The following GRID1 variants were observed in gnomAD, a reference collection of about 807,000 sequenced individuals.
GRID1 encodes the protein glutamate ionotropic receptor delta type subunit 1.
Under a neutral mutation model 98.0 loss-of-function variants are expected in GRID1, and 28 were observed. The observed-to-expected ratio is 0.29, with a 90% CI of 0.21 to 0.39. The LOEUF (loss-of-function observed/expected upper bound fraction) is 0.39. Ranked by LOEUF, GRID1 falls within the 10% of genes least tolerant of loss-of-function variation. GRID1 has a pLI of 1.00. For missense variants in GRID1, 1,111 were observed against 1,340.5 expected, an observed-to-expected ratio of 0.83 and a Z score of 2.67; for synonymous variants, 553 against 538.5, an observed-to-expected ratio of 1.03 and a Z score of -0.37.
chr10:86,013,703 C>T (rs912348156), intron 4 of GRID1, among the ~76,000 whole-genome samples: 4 of 152,202 alleles, frequency 2.6e-5, no homozygotes, highest in Admixed American at 2.6e-4. Context: ...AAGAATTTGA[C>T]CGTCTGACCA....
chr10:85,940,363 T>C (rs1203091841), intron 4 of GRID1, among the ~76,000 whole-genome samples: 1 of 152,148 alleles, frequency 6.6e-6, no homozygotes, highest in Non-Finnish European at 1.5e-5. Context: ...CCATCTCACT[T>C]AGCTTCAGCT....
At chr10:86,288,093 C>A (rs575220297) in intron 2 of GRID1, among the ~76,000 whole-genome samples, 1 of 152,120 alleles carries the variant, frequency 6.6e-6, no homozygotes, top group Non-Finnish European at 1.5e-5. Context: ...CCAGGCTGCC[C>A]GGCAGAAGCT....
chr10:85,815,095 T>C (rs760690534), intron 8 of GRID1, among the ~76,000 whole-genome samples: 2 of 151,962 alleles, frequency 1.3e-5, no homozygotes, highest in Non-Finnish European at 2.9e-5. Context: ...TGCTTTCACA[T>C]ACAAAAATCA....
intron 8 of GRID1, among the ~76,000 whole-genome samples, chr10:85,762,678 G>A (rs1168703936): frequency 6.6e-6 from 1 of 152,208 alleles, no homozygotes; most frequent in Non-Finnish European, 1.5e-5. Flanking sequence ...AGCGACAGAG[G>A]CTTTCACAGA....
At position 85,910,142 on chromosome 10, in the gene GRID1, G is replaced by A. The variant is rs765441633; in HGVS notation, c.780+6044C>T. 5.3e-5 allele frequency among the ~76,000 whole-genome samples: 8 copies of A among 152,232 alleles called. 1 individual carries two copies. In the South Asian group the frequency reaches 6.2e-4, roughly 12 times the overall value. On this transcript the variant is annotated intron_variant, in intron 5 of 15. Coordinates refer to ENST00000327946, the MANE Select transcript of GRID1 (RefSeq NM_017551.3). ...AACAAGTAAAAAGATTATGACAAAC[G>A]TAATTGTTTTCGAGTGTTACTAAAT...
chr10:85,913,206 C>T (rs1186294483), intron 5 of GRID1, among the ~76,000 whole-genome samples: 2 of 152,220 alleles, frequency 1.3e-5, no homozygotes, highest in Non-Finnish European at 2.9e-5. Flanking sequence ...CTGACCCCCA[C>T]TGACTGACTT....
intron 2 of GRID1, among the ~76,000 whole-genome samples, chr10:86,219,111 T>G (rs2446020): frequency 0.78 from 118,662 of 152,214 alleles, 46,343 homozygotes; most frequent in East Asian, 0.9. Flanking sequence ...GCCTGGGCAG[T>G]TCAGGTGGGA....
At chr10:86,181,215 C>A (rs1157636770) in intron 3 of GRID1, among the ~76,000 whole-genome samples, 1 of 152,230 alleles carries the variant, frequency 6.6e-6, no homozygotes, top group Non-Finnish European at 1.5e-5. Context: ...TGCACCCACC[C>A]AAGGCCTCCC....
At chr10:86,054,781 A>G (rs555742573) in intron 4 of GRID1, among the ~76,000 whole-genome samples, 1 of 152,320 alleles carries the variant, frequency 6.6e-6, no homozygotes, top group South Asian at 2.1e-4. Flanking sequence ...AAATGGTCCC[A>G]CTTCCCAGTC....
chr10:86,051,180 T>A (rs1843497584), intron 4 of GRID1, among the ~76,000 whole-genome samples: 1 of 151,280 alleles, frequency 6.6e-6, no homozygotes, highest in Admixed American at 6.6e-5. Context: ...GAAAGATCAA[T>A]GAAACAGAAT....
At chr10:86,358,284 A>G (rs1848559123) in intron 2 of GRID1, among the ~76,000 whole-genome samples, 1 of 152,170 alleles carries the variant, frequency 6.6e-6, no homozygotes, top group South Asian at 2.1e-4. Flanking sequence ...CATGCAAAAG[A>G]TTATCAGGGT....
intron 3 of GRID1, among the ~76,000 whole-genome samples, chr10:86,194,364 G>A (rs934592585): frequency 2.6e-5 from 4 of 152,132 alleles, no homozygotes; most frequent in African/African-American, 7.2e-5. Flanking sequence ...GTAGAACCAA[G>A]TGGGCAATAT....
chr10:86,330,987 A>C (rs1272388688), intron 2 of GRID1, among the ~76,000 whole-genome samples: 1 of 152,136 alleles, frequency 6.6e-6, no homozygotes, highest in Non-Finnish European at 1.5e-5. Flanking sequence ...AAGGAACAGG[A>C]AGGGCAGGCT....
At chr10:86,333,682 C>T (rs1848181908) in intron 2 of GRID1, among the ~76,000 whole-genome samples, 1 of 152,194 alleles carries the variant, frequency 6.6e-6, no homozygotes, top group African/African-American at 2.4e-5. Context: ...CATATTTGTG[C>T]ATGTTGAATG....
intron 14 of GRID1, among the ~76,000 whole-genome samples, chr10:85,615,240 C>A (rs890481627): frequency 1.3e-5 from 2 of 152,202 alleles, no homozygotes; most frequent in African/African-American, 2.4e-5. Context: ...CTCCTGATGG[C>A]TGGGAATGGC....
chr10:85,905,553 G>C (rs1841449410), intron 5 of GRID1, among the ~76,000 whole-genome samples: 1 of 152,062 alleles, frequency 6.6e-6, no homozygotes, highest in Non-Finnish European at 1.5e-5. Context: ...TAATAACTAT[G>C]TATTTTTGTG....
Position 86,363,925 on chromosome 10 carries a change from C to A in GRID1, c.235+16G>T. 6.2e-7 allele frequency: 1 copy of A among 1,611,180 alleles called. No individual in the cohort carries two copies. Among genetic ancestry groups the A allele is most frequent in the Non-Finnish European group, 8.5e-7 (1 of 1,178,098 alleles). On this transcript the variant is annotated intron_variant, in intron 2 of 15. Transcript: ENST00000327946. ...AGGCCGTGTCCCAGTGGGCCCTGGG[C>A]ACAGCGGTCACTCACCTTCCTGCAC...
intron 4 of GRID1, among the ~76,000 whole-genome samples, chr10:85,938,373 C>G (rs1841954403): frequency 6.6e-6 from 1 of 152,190 alleles, no homozygotes; most frequent in African/African-American, 2.4e-5. Flanking sequence ...ACTTTCAATA[C>G]AACGTTCTCC....
intron 8 of GRID1, among the ~76,000 whole-genome samples, chr10:85,793,384 A>C (rs1842498364): frequency 2.0e-5 from 3 of 152,322 alleles, no homozygotes; most frequent in South Asian, 4.1e-4. Context: ...TCTCTTCTGG[A>C]GTCTCTTACC....
Sources: gnomAD v4.1 joint callset for allele counts (sites outside exome capture counted in the v4.1 genomes callset) on GRCh38, gnomAD v4.1.1 for gene constraint, MANE v1.5 for transcripts, NCBI Gene and HGNC (gene_info 2026-07-23, HGNC 2026-07-21) for gene names.